ZNF276: variants seen among roughly 807,000 people sequenced by gnomAD.
The protein encoded by ZNF276 is zinc finger protein 276, also known as centromere protein Z.
In ZNF276, 59 loss-of-function variants were observed where a neutral mutation model predicts 63.9. The observed-to-expected ratio is 0.92, with a 90% CI of 0.75 to 1.15. The LOEUF is 1.15. Among genes scored for constraint, ZNF276 ranks in the 50% most tolerant of loss-of-function variants. ZNF276 has a pLI of 0.00. For synonymous variants in ZNF276, 496 were observed against 348.4 expected (o/e 1.42, Z -4.72); for missense variants, 1,084 against 843.8 (o/e 1.28, Z -3.53).
chr16:89,736,349 G>A (rs1427089767), intron 9 of ZNF276, among the ~76,000 whole-genome samples: 2 of 132,036 alleles, frequency 1.5e-5, no homozygotes, highest in African/African-American at 2.9e-5. Flanking sequence ...TTTTTTTTCC[G>A]GGACAGTCTG....
rs375934734 is a variant in ZNF276, at chr16:89,733,548, C to T, written c.1347C>T (p.Asp449=). 30 of 1,613,884 alleles carry T rather than the reference C, an allele frequency of 1.9e-5. No individual in the cohort carries two copies. Among genetic ancestry groups the T allele is most frequent in the African/African-American group, 9.3e-5 (7 of 74,932 alleles). Residue 449 remains aspartate (D), a synonymous_variant, in exon 8 of 11, where the codon GAC becomes GAT. Transcript: ENST00000443381. ...GCACGGCCGTGTACCGAGGCGCTGA[C>T]GGCATGAAGGTGAGCACTGGCTGTG... ...QGCTAVYRGA[D]GMKKHIKEHH... is the part of the protein sequence containing the mutation.
Position 89,738,713 on chromosome 16 carries a change from G to A in ZNF276, c.*467G>A, listed in dbSNP as rs2151710015. The A allele has an allele frequency of 6.2e-7, 1 of 1,613,712 alleles. No individual in the cohort carries two copies. The highest frequency in any genetic ancestry group is 8.5e-7 in the Non-Finnish European group (1 of 1,179,854). On this transcript the variant is annotated 3_prime_UTR_variant, in exon 11 of 11. Transcript: ENST00000443381. Reference sequence around the variant, plus strand: ...GTCCCCACGATCAGCCAGCAGCTGTGAGAGAGGAGCAGGTCCTCAGCCCAT... The same window carrying A: ...GTCCCCACGATCAGCCAGCAGCTGTAAGAGAGGAGCAGGTCCTCAGCCCAT...
At chr16:89,722,476 C>G (rs983284073) in intron 1 of ZNF276, 55 bp from the exon 2 acceptor site, 1 of 1,541,694 alleles carries the variant, frequency 6.5e-7, no homozygotes, top group Non-Finnish European at 8.7e-7. Flanking sequence ...CCGGGACGCC[C>G]TGTGCTCAGG....
chr16:89,739,734 G>C lies in ZNF276; in HGVS notation c.*1488G>C. ...TCAGCAGCTGGGAGAGGATGGGGGG[G>C]TCGACCTCTTGCAGGAGGGTGGGTG... On this transcript the variant is annotated 3_prime_UTR_variant, in exon 11 of 11. Transcript: ENST00000443381. 1 of 1,495,854 alleles carries C rather than the reference G, an allele frequency of 6.7e-7. No homozygotes were observed. Among genetic ancestry groups the C allele is most frequent in the Non-Finnish European group, 8.9e-7 (1 of 1,124,558 alleles). 92.7% of individuals were successfully genotyped at this position (1,495,854 alleles called of 1,614,324 possible).
At chr16:89,732,965 C>CT (rs2061718552) in intron 6 of ZNF276, 3 of 327,052 alleles carry the variant, frequency 9.2e-6, no homozygotes, top group African/African-American at 4.5e-5. Flanking sequence ...CTGTGCCCTC[C>CT]CCCTCTGCTG....
intron 5 of ZNF276, among the ~76,000 whole-genome samples, chr16:89,728,725 C>T (rs369018838): frequency 2.4e-4 from 36 of 152,058 alleles, no homozygotes; most frequent in African/African-American, 6.3e-4. Context: ...TTAGTAGAGA[C>T]GGGGTTTCAC....
chr16:89,740,679 A>G lies in ZNF276; in HGVS notation c.*2433A>G, dbSNP rs938585747. The G allele has an allele frequency of 2.7e-6, 2 of 748,194 alleles. No individual in the cohort carries two copies. Among genetic ancestry groups the G allele is most frequent in the Non-Finnish European group, 4.6e-6 (2 of 434,762 alleles). The allele number at this position is 748,194 out of a possible 1,614,324, so 46.3% of individuals were successfully genotyped here. ...ACCCACGGCCTGGGAGTTCTCACTC[A>G]CACTTCCGCAAACACAAGGAGCTCC... On this transcript the variant is annotated 3_prime_UTR_variant, in exon 11 of 11. Transcript: ENST00000443381.
At chr16:89,737,689 A>G in intron 9 of ZNF276, 117 bp from the exon 10 acceptor site, 26 of 1,561,662 alleles carry the variant, frequency 1.7e-5, no homozygotes, top group Non-Finnish European at 2.2e-5. Context: ...GGCCCACTGC[A>G]TGGTGAACCA....
chr16:89,732,442 C>T (rs2061684417), intron 6 of ZNF276: 2 of 153,174 alleles, frequency 1.3e-5, no homozygotes, highest in East Asian at 1.9e-4. Context: ...AGCTTGGAAT[C>T]AAGCTGACCC....
intron 4 of ZNF276, among the ~76,000 whole-genome samples, chr16:89,725,433 A>G (rs959127339): frequency 6.6e-6 from 1 of 151,914 alleles, no homozygotes; most frequent in Non-Finnish European, 1.5e-5. Context: ...CACCTGCATC[A>G]GCCTCCCAGA....
chr16:89,722,548 G>A lies in ZNF276; in HGVS notation c.223G>A (p.Ala75Thr). The change falls in exon 2 of 11, where the codon GCC (alanine) becomes ACC (threonine). Residue 75 changes from alanine to threonine, a missense_variant. Coordinates refer to ENST00000443381, the MANE Select transcript of ZNF276 (RefSeq NM_001113525.2). ...ADEAGAGRAL[A>T]MGHCRLCHGK... ...CTGTGCAGGAGCAGGCCGGGCTCTC[G>A]CCATGGGTCACTGTCGCCTCTGCCA... 1 of 1,611,962 alleles carries A rather than the reference G, an allele frequency of 6.2e-7. No homozygotes were observed. Among genetic ancestry groups the A allele is most frequent in the African/African-American group, 1.3e-5 (1 of 75,056 alleles).
At chr16:89,725,695 G>A (rs2061446846) in intron 4 of ZNF276, among the ~76,000 whole-genome samples, 1 of 152,090 alleles carries the variant, frequency 6.6e-6, no homozygotes, top group African/African-American at 2.4e-5. Flanking sequence ...GGAGGCTGAG[G>A]CAGGAGAATC....
chr16:89,739,284 AG>A lies in ZNF276; in HGVS notation c.*1039del, dbSNP rs762902309. ...GGCCGCGTCTTCATGGAAGTAGGAGAGAAGACTAGAGGTAAAGACATAGTGA... is the reference window on the plus strand; with the variant it reads ...GGCCGCGTCTTCATGGAAGTAGGAGAAAGACTAGAGGTAAAGACATAGTGA... On this transcript the variant is annotated 3_prime_UTR_variant, in exon 11 of 11. Coordinates refer to ENST00000443381, the MANE Select transcript of ZNF276 (RefSeq NM_001113525.2). 15 of 1,614,020 alleles carry A rather than the reference AG, an allele frequency of 9.3e-6. No homozygotes were observed. The highest frequency in any genetic ancestry group is 1.3e-5 in the Non-Finnish European group (15 of 1,180,050).
At chr16:89,732,038 T>C (rs888434994) in intron 6 of ZNF276, 1 of 152,302 alleles carries the variant, frequency 6.6e-6, no homozygotes, top group African/African-American at 2.4e-5. Flanking sequence ...TCCTTCACAG[T>C]TGAGCGTGGT....
Position 89,722,588 on chromosome 16 carries a change from C to G in ZNF276, c.263C>G (p.Ser88Trp), listed in dbSNP as rs772999740. 6.8e-6 allele frequency: 11 copies of G among 1,612,296 alleles called. No individual in the cohort carries two copies. The highest frequency in any genetic ancestry group is 3.3e-5 in the South Asian group (3 of 91,084). Residue 88 changes from serine (S) to tryptophan (W), a missense_variant, in exon 2 of 11, where the codon TCG (serine) becomes TGG (tryptophan). By Grantham distance (177) the Ser-to-Trp change is radical. Coordinates refer to ENST00000443381, the MANE Select transcript of ZNF276 (RefSeq NM_001113525.2). ...CGCCTCTGCCACGGGAAGTTTTCCT[C>G]GAGAAGCCTGCGCAGCATCTCCGAG... Reference protein sequence around the residue: ...HCRLCHGKFSSRSLRSISERA... With the variant: ...HCRLCHGKFSWRSLRSISERA...
In ZNF276 at chr16:89,739,230, G is replaced by C; in HGVS notation, c.*984G>C. On this transcript the variant is annotated 3_prime_UTR_variant, in exon 11 of 11. Transcript: ENST00000443381. ...GACCAGCTTCAAGTACATGTCCACA[G>C]CAACATGCAGGAAGGCCTCTTCCCT... 3 of 1,614,174 alleles carry C rather than the reference G, an allele frequency of 1.9e-6. No homozygotes were observed. The highest frequency in any genetic ancestry group is 2.5e-6 in the Non-Finnish European group (3 of 1,180,036).
chr16:89,740,520 C>T lies in ZNF276; in HGVS notation c.*2274C>T, dbSNP rs958206943. On this transcript the variant is annotated 3_prime_UTR_variant, in exon 11 of 11. Transcript: ENST00000443381. ...TGTGACAGACTCACGCCTGTAATCC[C>T]AGCTACTCGGGAGGCTGATGCAGGA... 3 of 501,206 alleles carry T rather than the reference C, an allele frequency of 6.0e-6. No individual in the cohort carries two copies. Among genetic ancestry groups the T allele is most frequent in the Non-Finnish European group, 1.1e-5 (3 of 279,880 alleles). The allele number at this position is 501,206 out of a possible 1,614,324, so 31.0% of individuals were successfully genotyped here. A position where few individuals can be genotyped will look rare whatever the true frequency, so the allele number is the denominator to read the frequency against.
rs769486874 is a variant in ZNF276 at position 89,737,982 on chromosome 16, G to C, written c.1581G>C (p.Glu527Asp). 2 of 1,614,196 alleles carry C rather than the reference G, an allele frequency of 1.2e-6. No individual in the cohort carries two copies. The highest frequency in any genetic ancestry group is 4.5e-5 in the East Asian group (2 of 44,890). Residue 527 changes from glutamate (E) to aspartate (D), a missense_variant, in exon 11 of 11, where the codon GAG becomes GAC. By Grantham distance (45) the Glu-to-Asp change is conservative (BLOSUM62 2). Coordinates refer to ENST00000443381, the MANE Select transcript of ZNF276 (RefSeq NM_001113525.2). ...RHSGAKPLQC[E>D]VCGFQCRQRA... ...ATCTGCCTCTGTCCCCCAGGTGTGA[G>C]GTCTGTGGGTTCCAGTGCAGGCAGC...
upstream of ZNF276, chr16:89,720,785 A>G: frequency 4.8e-6 from 7 of 1,458,560 alleles, 1 homozygote; most frequent in Non-Finnish European, 3.6e-6. Flanking sequence ...GCCGGTGTCC[A>G]GCTCGATGGC....
Sources: gnomAD v4.1 joint callset for allele counts (sites outside exome capture counted in the v4.1 genomes callset) on GRCh38, gnomAD v4.1.1 for gene constraint, MANE v1.5 for transcripts, NCBI Gene and HGNC (gene_info 2026-07-23, HGNC 2026-07-21) for gene names.